The following UBE2E2 variants were observed in gnomAD, a reference collection of about 807,000 sequenced individuals.
UBE2E2 encodes ubiquitin-conjugating enzyme E2 E2.
A neutral mutation model predicts 24.7 loss-of-function variants in UBE2E2; 6 were observed. The observed-to-expected ratio is 0.24, with a 90% CI of 0.13 to 0.48. The LOEUF is 0.48. UBE2E2 is among the 20% of genes least tolerant of loss of function. The pLI is 0.99. For synonymous variants in UBE2E2, 104 were observed against 83.6 expected (o/e 1.24, Z -1.33); for missense variants, 169 against 245.0 (o/e 0.69, Z 2.07).
intron 3 of UBE2E2, among the ~76,000 whole-genome samples, chr3:23,382,684 T>C (rs1696706215): frequency 6.6e-6 from 1 of 152,216 alleles, no homozygotes; most frequent in Non-Finnish European, 1.5e-5. Flanking sequence ...ATCACAGCTT[T>C]GCTTGTGGAC....
At chr3:23,367,236 T>G (rs1391857387) in intron 3 of UBE2E2, among the ~76,000 whole-genome samples, 1 of 152,224 alleles carries the variant, frequency 6.6e-6, no homozygotes, top group African/African-American at 2.4e-5. Context: ...CTGTGATATA[T>G]TTGGTTTACA....
At chr3:23,496,733 C>T (rs1313006226) in intron 3 of UBE2E2, among the ~76,000 whole-genome samples, 1 of 152,078 alleles carries the variant, frequency 6.6e-6, no homozygotes, top group Non-Finnish European at 1.5e-5. Flanking sequence ...TTCTCAATGT[C>T]TTCTGGTGAT....
At chr3:23,385,982 TCAACTTATTTGATG>T (rs946643054) in intron 3 of UBE2E2, among the ~76,000 whole-genome samples, 2 of 152,228 alleles carry the variant, frequency 1.3e-5, no homozygotes. Flanking sequence ...CTAAATTTTT[TCAACTTATTTGATG>T]CAAAGCTAGT....
intron 2 of UBE2E2, among the ~76,000 whole-genome samples, chr3:23,216,268 C>G (rs947329751): frequency 6.6e-6 from 1 of 152,060 alleles, no homozygotes; most frequent in Non-Finnish European, 1.5e-5. Flanking sequence ...GATACCAATT[C>G]TATTGGAGGG....
At chr3:23,428,928 T>TAAAA (rs34525850) in intron 3 of UBE2E2, among the ~76,000 whole-genome samples, 12 of 75,880 alleles carry the variant, frequency 1.6e-4, no homozygotes, top group African/African-American at 3.3e-4. Flanking sequence ...CTCTGTCTCT[T>TAAAA]AAAAAAAAAA....
At chr3:23,341,823 A>T (rs1695396787) in intron 3 of UBE2E2, among the ~76,000 whole-genome samples, 1 of 152,184 alleles carries the variant, frequency 6.6e-6, no homozygotes, top group African/African-American at 2.4e-5. Context: ...AACAGCAGTC[A>T]GCTAGCTGTG....
intron 3 of UBE2E2, among the ~76,000 whole-genome samples, chr3:23,241,512 G>T (rs1035887320): frequency 6.6e-6 from 1 of 151,816 alleles, no homozygotes; most frequent in Non-Finnish European, 1.5e-5. Context: ...CTGCCGCTAC[G>T]CTGGCCTCTT....
At chr3:23,497,072 G>C (rs74592107) in intron 3 of UBE2E2, among the ~76,000 whole-genome samples, 4,533 of 152,240 alleles carry the variant, frequency 0.03, 110 homozygotes, top group East Asian at 0.13. Flanking sequence ...TGCATTTACA[G>C]TATTGTACCG....
intron 3 of UBE2E2, among the ~76,000 whole-genome samples, chr3:23,425,467 T>C (rs187220656): frequency 8.5e-5 from 13 of 152,306 alleles, no homozygotes; most frequent in South Asian, 2.1e-4. Flanking sequence ...TAGAAGTCAT[T>C]ACGTCAAAAA....
intron 3 of UBE2E2, among the ~76,000 whole-genome samples, chr3:23,422,166 G>A (rs905602416): frequency 1.3e-5 from 2 of 152,100 alleles, no homozygotes; most frequent in East Asian, 3.9e-4. Flanking sequence ...ATATTGAACA[G>A]ACTACACCAA....
At chr3:23,265,498 A>G (rs1454880431) in intron 3 of UBE2E2, among the ~76,000 whole-genome samples, 1 of 151,868 alleles carries the variant, frequency 6.6e-6, no homozygotes, top group Non-Finnish European at 1.5e-5. Flanking sequence ...GACTAGGGGT[A>G]AAACATGGAA....
chr3:23,224,805 T>A (rs1399547224), intron 3 of UBE2E2, among the ~76,000 whole-genome samples: 1 of 152,182 alleles, frequency 6.6e-6, no homozygotes, highest in Admixed American at 6.5e-5. Flanking sequence ...TTATGAACAT[T>A]TATGTACAGG....
intron 3 of UBE2E2, among the ~76,000 whole-genome samples, chr3:23,285,499 A>G (rs545375545): frequency 6.6e-6 from 1 of 152,338 alleles, no homozygotes; most frequent in South Asian, 2.1e-4. Context: ...CCAACAGTGT[A>G]CAAGGATTTT....
At chr3:23,468,375 T>C (rs1183150779) in intron 3 of UBE2E2, among the ~76,000 whole-genome samples, 1 of 152,188 alleles carries the variant, frequency 6.6e-6, no homozygotes, top group Non-Finnish European at 1.5e-5. Context: ...CCTATACTTT[T>C]CCCATATTAT....
At chr3:23,470,145 C>A (rs751924499) in intron 3 of UBE2E2, among the ~76,000 whole-genome samples, 5 of 152,208 alleles carry the variant, frequency 3.3e-5, no homozygotes, top group Non-Finnish European at 7.3e-5. Context: ...ACATTAGGAT[C>A]CACCAGGAGG....
chr3:23,237,310 T>C lies in UBE2E2; in HGVS notation c.227+19998T>C, dbSNP rs545308383. Among the ~76,000 whole-genome samples, 44 of 152,352 alleles carry C rather than the reference T, an allele frequency of 2.9e-4. No individual in the cohort carries two copies. In the South Asian group the frequency reaches 8.5e-3, roughly 29 times the overall value. On this transcript the variant is annotated intron_variant, in intron 3 of 5. Coordinates refer to ENST00000396703, the MANE Select transcript of UBE2E2 (RefSeq NM_152653.4). The stretch of plus-strand genomic sequence containing the variant: ...TATAATGTATTATTCATTATCTTCT[T>C]AATATGTTTCATGTAATAGACAAAT...
chr3:23,281,445 G>A (rs372873130), intron 3 of UBE2E2, among the ~76,000 whole-genome samples: 79 of 152,260 alleles, frequency 5.2e-4, no homozygotes, highest in African/African-American at 1.4e-3. Context: ...AGCCTGGGCA[G>A]CAAAGCAAGA....
intron 3 of UBE2E2, among the ~76,000 whole-genome samples, chr3:23,260,347 T>C (rs1384764665): frequency 6.6e-6 from 1 of 152,222 alleles, no homozygotes; most frequent in Non-Finnish European, 1.5e-5. Flanking sequence ...GCCAAGAATG[T>C]TTCATTCTGT....
chr3:23,555,438 G>A (rs1452400885), intron 5 of UBE2E2, among the ~76,000 whole-genome samples: 1 of 152,148 alleles, frequency 6.6e-6, no homozygotes, highest in Non-Finnish European at 1.5e-5. Flanking sequence ...ACATAGATTG[G>A]TACAGCCCTG....
Sources: allele counts gnomAD v4.1 joint callset (sites outside exome capture counted in the v4.1 genomes callset), GRCh38; gene constraint gnomAD v4.1.1; transcripts MANE v1.5; gene names NCBI Gene and HGNC (gene_info 2026-07-23, HGNC 2026-07-21).